The following CACNA1A variants were observed in gnomAD, a reference collection of about 807,000 sequenced individuals.
CACNA1A encodes voltage-dependent P/Q-type calcium channel subunit alpha-1A.
A neutral mutation model predicts 262.4 loss-of-function variants in CACNA1A; 57 were observed. That is an observed-to-expected ratio of 0.22 (90% CI 0.18 to 0.27). The LOEUF (loss-of-function observed/expected upper bound fraction) is 0.27, where lower values mean the gene tolerates loss of function less well. CACNA1A is among the 10% of genes least tolerant of loss of function. The pLI, the probability that CACNA1A is intolerant of heterozygous loss-of-function variation, is 1.00. For synonymous variants in CACNA1A, 1,431 were observed against 1,419.3 expected (o/e 1.01, Z -0.18); for missense variants, 2,526 against 3,562.8 (o/e 0.71, Z 7.41).
Position 13,207,858 on chromosome 19 carries a change from CCTGCTGCTG to C in CACNA1A, c.6967_6975del (p.Gln2323_Gln2325del), listed in dbSNP as rs16054. ...GCCGCCCGGCCCGGCCTGGCCACCG[CCTGCTGCTG>C]CTGCTGCTGCTGCTGCTGCTGCTGC... On this transcript the variant is annotated inframe_deletion, in exon 47 of 47. Transcript: ENST00000360228. This position sits in a 1 kb window ranked among gnomAD's most constrained non-coding sequence, Gnocchi z 5.7. 3,774 of 1,370,548 alleles carry C rather than the reference CCTGCTGCTG, an allele frequency of 2.8e-3. 7 individuals carry two copies. The highest frequency in any genetic ancestry group is 0.011 in the African/African-American group (705 of 61,922). 84.9% of individuals were successfully genotyped at this position (1,370,548 alleles called of 1,614,324 possible).
intron 1 of CACNA1A, among the ~76,000 whole-genome samples, chr19:13,487,248 A>G (rs1279784567): frequency 1.3e-5 from 2 of 152,184 alleles, no homozygotes; most frequent in African/African-American, 4.8e-5. Flanking sequence ...AGAGCAGAAC[A>G]TGGACCTGCT....
chr19:13,211,705 T>C (rs1254228858), intron 43 of CACNA1A: 2 of 240,270 alleles, frequency 8.3e-6, no homozygotes, highest in East Asian at 2.1e-4. Context: ...TGTGTGCATG[T>C]ATGTTGAGCA....
chr19:13,456,749 G>A (rs1308103363), intron 1 of CACNA1A, among the ~76,000 whole-genome samples: 3 of 152,136 alleles, frequency 2.0e-5, no homozygotes, highest in African/African-American at 7.2e-5. Context: ...ATGGACAGGA[G>A]GCTGGAATAG....
chr19:13,452,884 C>G lies in CACNA1A; in HGVS notation c.531G>C (p.Val177=). The G allele has an allele frequency of 6.2e-7, 1 of 1,613,812 alleles. No homozygotes were observed. The highest frequency in any genetic ancestry group is 8.5e-7 in the Non-Finnish European group (1 of 1,179,758). Residue 177 remains valine, a synonymous_variant, in exon 3 of 47, where the codon GTG becomes GTC. Transcript: ENST00000360228. ...NGWNVMDFVV[V]LTGILATVGT... is the part of the protein sequence containing the mutation. ...TAGCACGCGCCACTTACCCCGTTAG[C>G]ACCACCACAAAGTCCATGACATTCC...
chr19:13,498,905 C>G (rs1383385225), intron 1 of CACNA1A, among the ~76,000 whole-genome samples: 1 of 152,122 alleles, frequency 6.6e-6, no homozygotes, highest in Non-Finnish European at 1.5e-5. Flanking sequence ...CCAGGCAACC[C>G]TGGCTGAAGG....
Position 13,506,144 on chromosome 19 carries a change from G to A in CACNA1A, c.81C>T (p.Ser27=), listed in dbSNP as rs1303416032. ...TGCCCCCGGCTCCTCGCCCGCCTCC[G>A]CTGCCCACGACCACCCCGGCGGCTG... ...SGAAAGVVVG[S]GGGRGAGGSR... is the part of the protein sequence containing the mutation. Residue 27 remains serine, a synonymous_variant, in exon 1 of 47, where the codon AGC becomes AGT. Transcript: ENST00000360228. The A allele has an allele frequency of 9.5e-6, 15 of 1,582,038 alleles. No individual in the cohort carries two copies. The highest frequency in any genetic ancestry group is 1.3e-5 in the Non-Finnish European group (15 of 1,164,124).
intron 3 of CACNA1A, among the ~76,000 whole-genome samples, chr19:13,438,297 T>A (rs2060649231): frequency 6.6e-6 from 1 of 152,234 alleles, no homozygotes; most frequent in African/African-American, 2.4e-5. Context: ...TGGGCTCTGT[T>A]GCCCCATTCC....
chr19:13,212,651 C>A lies in CACNA1A; in HGVS notation c.6030G>T (p.Gln2010His). ...CTCACAGGGCTCCTCCTGGGTCCAGCTGGGTGGAGGGGAGGGCGTTCTGGC... is the reference window on the plus strand; with the variant it reads ...CTCACAGGGCTCCTCCTGGGTCCAGATGGGTGGAGGGGAGGGCGTTCTGGC... ...GPGQNALPSTQLDPGGALMAH... is the reference protein window; with the variant it reads ...GPGQNALPSTHLDPGGALMAH... Residue 2010 changes from glutamine to histidine, a missense_variant, in exon 41 of 47, where the codon CAG becomes CAT. Gln to His is a conservative substitution (Grantham distance 24). Transcript: ENST00000360228. This position sits in a 1 kb window ranked among gnomAD's most constrained non-coding sequence, Gnocchi z 5.6. The A allele has an allele frequency of 6.6e-7, 1 of 1,519,148 alleles. No homozygotes were observed. The highest frequency in any genetic ancestry group is 8.8e-7 in the Non-Finnish European group (1 of 1,131,336). The allele number at this position is 1,519,148 out of a possible 1,614,324, so 94.1% of individuals were successfully genotyped here. A position where few individuals can be genotyped will look rare whatever the true frequency, so the allele number is the denominator to read the frequency against.
At chr19:13,322,313 C>T (rs10409541) in intron 10 of CACNA1A, among the ~76,000 whole-genome samples, 30,276 of 151,880 alleles carry the variant, frequency 0.2, 3,704 homozygotes, top group East Asian at 0.37. Flanking sequence ...CACCAAGTAT[C>T]GCTGGCAGCA....
In CACNA1A at chr19:13,305,437, A is replaced by C. The variant is rs73513403; in HGVS notation, c.1987-1553T>G. On this transcript the variant is annotated intron_variant, in intron 15 of 46. Transcript: ENST00000360228. The stretch of plus-strand genomic sequence containing the variant: ...CAGCACCTACATGCTCCTTTAAAAA[A>C]GATCCAACTTCCTTCCTTCTATCCA... 9.6e-3 allele frequency among the ~76,000 whole-genome samples: 1,460 copies of C among 152,340 alleles called. 24 individuals carry two copies. The highest frequency in any genetic ancestry group is 0.033 in the African/African-American group (1,372 of 41,568).
Position 13,298,922 on chromosome 19 carries a change from T to C in CACNA1A, c.2711A>G (p.His904Arg). Residue 904 changes from histidine (H) to arginine (R), a missense_variant, in exon 19 of 47, where the codon CAC becomes CGC. Physicochemically the swap from His to Arg is conservative, Grantham distance 29 (BLOSUM62 0). Coordinates refer to ENST00000360228, the MANE Select transcript of CACNA1A (RefSeq NM_001127222.2). ...EGPYGRESDH[H>R]AREGSLEQPG... ...TTGCTCCAGGCTGCCCTCCCGGGCG[T>C]GGTGGTCCGACTCGCGGCCGTAGGG... 1.3e-6 allele frequency: 2 copies of C among 1,594,648 alleles called. No homozygotes were observed. The highest frequency in any genetic ancestry group is 1.7e-6 in the Non-Finnish European group (2 of 1,177,946).
rs2057948169 is a variant in CACNA1A, at chr19:13,308,227, C to G, written c.1806G>C (p.Leu602=). Residue 602 remains leucine, a synonymous_variant, in exon 14 of 47, where the codon CTG becomes CTC. Coordinates refer to ENST00000360228, the MANE Select transcript of CACNA1A (RefSeq NM_001127222.2). The surrounding 1 kb of genome is among the most constrained non-coding windows in gnomAD (Gnocchi z 4.2). ...VTKYWASLRN[L]VVSLLNSMKS... ...TCATGGAGTTGAGGAGAGAGACGAC[C>G]AGGTTTCTGAGAGATGCCCAGTACC... 6.2e-7 allele frequency: 1 copy of G among 1,613,730 alleles called. No individual in the cohort carries two copies. Among genetic ancestry groups the G allele is most frequent in the Non-Finnish European group, 8.5e-7 (1 of 1,179,774 alleles).
At chr19:13,401,899 A>G (rs939225017) in intron 3 of CACNA1A, among the ~76,000 whole-genome samples, 2 of 152,118 alleles carry the variant, frequency 1.3e-5, no homozygotes, top group Non-Finnish European at 2.9e-5. Flanking sequence ...TTGGCGTTAA[A>G]CTACTGGGGT....
At chr19:13,504,544 C>A (rs1982782500) in intron 1 of CACNA1A, among the ~76,000 whole-genome samples, 1 of 152,170 alleles carries the variant, frequency 6.6e-6, no homozygotes, top group African/African-American at 2.4e-5. Context: ...CCTCAAACAG[C>A]AACCCCCGGA....
At chr19:13,327,499 T>G (rs1309864918) in intron 10 of CACNA1A, among the ~76,000 whole-genome samples, 1 of 142,852 alleles carries the variant, frequency 7.0e-6, no homozygotes, top group African/African-American at 2.6e-5. Flanking sequence ...GCCTGGGTGC[T>G]AGAGCAAGAC....
intron 44 of CACNA1A, 110 bp downstream of exon 44, chr19:13,210,507 G>GA: frequency 1.0e-6 from 1 of 976,756 alleles, no homozygotes; most frequent in Non-Finnish European, 1.5e-6. Context: ...GATTGCCAAA[G>GA]AAAGGGTGGG....
chr19:13,247,417 G>A (rs1241398818), intron 30 of CACNA1A, among the ~76,000 whole-genome samples: 1 of 152,186 alleles, frequency 6.6e-6, no homozygotes, highest in Non-Finnish European at 1.5e-5. Context: ...CAGGGGGCCG[G>A]GCGCGGTGGC....
intron 6 of CACNA1A, among the ~76,000 whole-genome samples, chr19:13,355,318 G>A (rs1406932072): frequency 6.6e-6 from 1 of 152,244 alleles, no homozygotes; most frequent in Admixed American, 6.5e-5. Context: ...TGAGGGGCGT[G>A]TTGTCAGCTC....
rs139838470 is a variant in CACNA1A, at chr19:13,375,327, C to T, written c.540-3548G>A. Among the ~76,000 whole-genome samples, 14 of 152,258 alleles carry T rather than the reference C, an allele frequency of 9.2e-5. 1 individual carries two copies. Among genetic ancestry groups the T allele is most frequent in the African/African-American group, 2.9e-4 (12 of 41,554 alleles). On this transcript the variant is annotated intron_variant, in intron 3 of 46. Transcript: ENST00000360228. ...CAACTGGCCATTTCCCCATCTCTCC[C>T]GCTTTCCTTGGGCCTTCCTATTCCC...
Sources: gnomAD v4.1 joint callset for allele counts (sites outside exome capture counted in the v4.1 genomes callset) on GRCh38, gnomAD v4.1.1 for gene constraint, Gnocchi (gnomAD v3.1) non-coding constraint, MANE v1.5 for transcripts, NCBI Gene and HGNC (gene_info 2026-07-23, HGNC 2026-07-21) for gene names.